CCDC178: variants seen among roughly 807,000 people sequenced by gnomAD.
CCDC178 encodes the protein coiled-coil domain-containing protein 178.
Under a neutral mutation model 117.4 loss-of-function variants are expected in CCDC178, and 126 were observed. The ratio of observed to expected loss-of-function variants is 1.07; its 90% CI spans 0.93 to 1.24. The LOEUF is 1.24. CCDC178 is among the 50% of genes most tolerant of loss of function. CCDC178 has a pLI of 0.00. For missense variants in CCDC178, 1,030 were observed against 986.9 expected, an observed-to-expected ratio of 1.04 and a Z score of -0.59; for synonymous variants, 283 against 313.4, an observed-to-expected ratio of 0.90 and a Z score of 1.02.
chr18:33,159,996 C>G (rs2058443811), intron 20 of CCDC178, among the ~76,000 whole-genome samples: 1 of 152,028 alleles, frequency 6.6e-6, no homozygotes, highest in Non-Finnish European at 1.5e-5. Flanking sequence ...ACAAAAACTG[C>G]CTTTAATTAT....
Position 33,174,230 on chromosome 18 carries a change from C to T in CCDC178, c.2238+37666G>A, listed in dbSNP as rs1019886205. 3.9e-5 allele frequency among the ~76,000 whole-genome samples: 6 copies of T among 152,072 alleles called. No individual in the cohort carries two copies. In the East Asian group the frequency reaches 5.8e-4, roughly 15 times the overall value. On this transcript the variant is annotated intron_variant, in intron 20 of 22. Coordinates refer to ENST00000383096, the MANE Select transcript of CCDC178 (RefSeq NM_001105528.4). ...GATCTTGTAACAAATTACTGACTGT[C>T]GCAAAGACAGCACCAAGCCATAAGG...
In CCDC178 at chr18:33,168,814, C is replaced by G. The variant is rs551644835; in HGVS notation, c.2238+43082G>C. ...TGTAAAATATTTTGAGCTGACAGAA[C>G]TTAATTGGACCCAAAATAGTTTCAT... On this transcript the variant is annotated intron_variant, in intron 20 of 22. Transcript: ENST00000383096. 3.5e-4 allele frequency among the ~76,000 whole-genome samples: 54 copies of G among 152,252 alleles called. 1 individual carries two copies. The South Asian group carries it at 8.7e-3, about 25-fold the overall frequency.
At chr18:33,225,195 C>G (rs1370756313) in intron 16 of CCDC178, among the ~76,000 whole-genome samples, 1 of 151,602 alleles carries the variant, frequency 6.6e-6, no homozygotes, top group Admixed American at 6.6e-5. Flanking sequence ...CAGAGTCTTG[C>G]TCTGTCACCC....
chr18:33,370,604 C>T (rs2063285234), intron 5 of CCDC178, among the ~76,000 whole-genome samples: 1 of 151,898 alleles, frequency 6.6e-6, no homozygotes, highest in Non-Finnish European at 1.5e-5. Context: ...TGCTCTCTTT[C>T]AATGTAAATA....
intron 20 of CCDC178, among the ~76,000 whole-genome samples, chr18:33,131,204 G>C (rs1279448561): frequency 1.3e-5 from 2 of 151,718 alleles, no homozygotes; most frequent in African/African-American, 4.8e-5. Context: ...AAAGTTAAAA[G>C]GTCATTTAAA....
In CCDC178 at chr18:33,002,058, T is replaced by G. The variant is rs182091633; in HGVS notation, c.2389-27377A>C. Among the ~76,000 whole-genome samples, 16 of 152,278 alleles carry G rather than the reference T, an allele frequency of 1.1e-4. No homozygotes were observed. In the East Asian group the frequency reaches 2.9e-3, roughly 28 times the overall value. On this transcript the variant is annotated intron_variant, in intron 21 of 22. Coordinates refer to ENST00000383096, the MANE Select transcript of CCDC178 (RefSeq NM_001105528.4). Reference sequence around the variant, plus strand: ...ATAGTATGAGAGCTAAATAAAGAGATAAATCTCAACATAATAACAGCTGGA... The same window carrying G: ...ATAGTATGAGAGCTAAATAAAGAGAGAAATCTCAACATAATAACAGCTGGA...
chr18:33,112,800 A>G (rs1021593977), intron 20 of CCDC178, among the ~76,000 whole-genome samples: 6 of 151,800 alleles, frequency 4.0e-5, no homozygotes, highest in Non-Finnish European at 5.9e-5. Context: ...ATACCCTACC[A>G]CACGTATTTA....
intron 20 of CCDC178, among the ~76,000 whole-genome samples, chr18:33,180,578 T>C (rs1328906198): frequency 6.6e-6 from 1 of 152,020 alleles, no homozygotes; most frequent in Middle Eastern, 3.2e-3. Flanking sequence ...AAATGTGCTA[T>C]TGTTATTGTC....
At chr18:33,081,473 C>G (rs1412655633) in intron 21 of CCDC178, among the ~76,000 whole-genome samples, 1 of 152,090 alleles carries the variant, frequency 6.6e-6, no homozygotes, top group African/African-American at 2.4e-5. Flanking sequence ...TGCAATGATC[C>G]TTACTATAGT....
intron 20 of CCDC178, among the ~76,000 whole-genome samples, chr18:33,168,669 G>A (rs1008194301): frequency 3.3e-5 from 5 of 152,172 alleles, no homozygotes; most frequent in Non-Finnish European, 5.9e-5. Flanking sequence ...CATATTGATT[G>A]AGATGTTTAG....
chr18:33,141,710 A>G (rs1194748462), intron 20 of CCDC178, among the ~76,000 whole-genome samples: 2 of 151,944 alleles, frequency 1.3e-5, no homozygotes, highest in African/African-American at 4.8e-5. Flanking sequence ...CTATGGGTCA[A>G]CTCCTCCAAC....
At chr18:33,385,421 G>T (rs1430008560) in intron 5 of CCDC178, among the ~76,000 whole-genome samples, 2 of 152,002 alleles carry the variant, frequency 1.3e-5, no homozygotes, top group East Asian at 3.9e-4. Context: ...TTTTCTCAGG[G>T]TCACATGGCA....
chr18:33,023,885 C>T (rs929945085), intron 21 of CCDC178, among the ~76,000 whole-genome samples: 1 of 152,152 alleles, frequency 6.6e-6, no homozygotes, highest in Admixed American at 6.6e-5. Context: ...AGACAAGTTA[C>T]TAATATCAGA....
chr18:33,083,379 G>C (rs1327684308), intron 21 of CCDC178, among the ~76,000 whole-genome samples: 1 of 152,158 alleles, frequency 6.6e-6, no homozygotes, highest in Admixed American at 6.5e-5. Flanking sequence ...TAAAGCTCTT[G>C]CTATATGTTG....
At position 33,370,177 on chromosome 18, in the gene CCDC178, C is replaced by T. The variant is rs367983090; in HGVS notation, c.221G>A (p.Gly74Asp). The T allele has an allele frequency of 1.1e-5, 17 of 1,600,500 alleles. No homozygotes were observed. The African/African-American group carries it at 2.0e-4, about 19-fold the overall frequency. The change falls in exon 6 of 23, where the codon GGC becomes GAC. Residue 74 changes from glycine to aspartate, a missense_variant. Coordinates refer to ENST00000383096, the MANE Select transcript of CCDC178 (RefSeq NM_001105528.4). Reference protein sequence around the residue: ...KMTNTEGVNKGIYFSYPCRRH... With the variant: ...KMTNTEGVNKDIYFSYPCRRH... ...TCGACATGGGTAGCTAAAGTAAATG[C>T]CTTTATTCACCCCTAAAGAGAACAA...
At chr18:33,096,206 T>G (rs969343865) in intron 20 of CCDC178, among the ~76,000 whole-genome samples, 20 of 151,034 alleles carry the variant, frequency 1.3e-4, no homozygotes, top group African/African-American at 4.9e-4. Flanking sequence ...TATTTTTCCT[T>G]CTTCTCATCT....
chr18:33,226,902 T>C, intron 15 of CCDC178, 47 bp from the exon 16 acceptor site: 1 of 1,033,966 alleles, frequency 9.7e-7, no homozygotes, highest in Non-Finnish European at 1.4e-6. Flanking sequence ...TCATAAAACA[T>C]CAAAAACATT....
chr18:33,424,789 CTAA>C (rs2064094355), intron 2 of CCDC178, among the ~76,000 whole-genome samples: 1 of 152,172 alleles, frequency 6.6e-6, no homozygotes, highest in Admixed American at 6.5e-5. Context: ...GAGAAAGCTG[CTAA>C]TGAGAGAGCT....
chr18:33,184,597 C>A (rs1344820223), intron 20 of CCDC178, among the ~76,000 whole-genome samples: 2 of 152,028 alleles, frequency 1.3e-5, no homozygotes, highest in African/African-American at 4.8e-5. Flanking sequence ...AAAGTTGCTG[C>A]AGCCAAAGGC....
Sources: allele counts gnomAD v4.1 joint callset (sites outside exome capture counted in the v4.1 genomes callset), GRCh38; gene constraint gnomAD v4.1.1; transcripts MANE v1.5; gene names NCBI Gene and HGNC (gene_info 2026-07-23, HGNC 2026-07-21).